The following SLC7A2 variants were observed in gnomAD, a reference collection of about 807,000 sequenced individuals.
SLC7A2 encodes cationic amino acid transporter 2.
In SLC7A2, 48 loss-of-function variants were observed where a neutral mutation model predicts 58.9. That is an observed-to-expected ratio of 0.82 (90% CI 0.65 to 1.04). SLC7A2 has a LOEUF of 1.04. Among genes scored for constraint, SLC7A2 ranks in the 50% least tolerant of loss-of-function variants. The pLI, the probability that SLC7A2 is intolerant of heterozygous loss-of-function variation, is 0.00. For synonymous variants in SLC7A2, 363 were observed against 314.5 expected, an observed-to-expected ratio of 1.15 and a Z score of -1.63; for missense variants, 1,029 against 818.8, an observed-to-expected ratio of 1.26 and a Z score of -3.13.
intron 2 of SLC7A2, among the ~76,000 whole-genome samples, chr8:17,508,708 T>G (rs567595387): frequency 6.6e-6 from 1 of 152,044 alleles, no homozygotes; most frequent in African/African-American, 2.4e-5. Context: ...AGCAAGACTC[T>G]GTCTCAAAAA....
upstream of SLC7A2, among the ~76,000 whole-genome samples, chr8:17,495,279 GACCAGATTACTC>G (rs1290320516): frequency 6.6e-6 from 1 of 152,058 alleles, no homozygotes; most frequent in Non-Finnish European, 1.5e-5. Context: ...AAAAATGTTA[GACCAGATTACTC>G]ACCCTTAAAA....
At chr8:17,525,239 T>C (rs1034627161) in intron 2 of SLC7A2, among the ~76,000 whole-genome samples, 1 of 152,052 alleles carries the variant, frequency 6.6e-6, no homozygotes, top group African/African-American at 2.4e-5. Context: ...TTGAAGAAAA[T>C]AGAGTATTTA....
chr8:17,516,385 G>C (rs1023909101), intron 2 of SLC7A2, among the ~76,000 whole-genome samples: 1 of 151,954 alleles, frequency 6.6e-6, no homozygotes, highest in African/African-American at 2.4e-5. Flanking sequence ...CACCACACCC[G>C]GCTAATTTTT....
chr8:17,554,421 G>T, intron 7 of SLC7A2, 139 bp from the exon 8 acceptor site: 1 of 641,848 alleles, frequency 1.6e-6, no homozygotes, highest in East Asian at 3.4e-5. Context: ...AAAAAATAAT[G>T]ACATAATTAT....
intron 2 of SLC7A2, chr8:17,539,013 T>C: frequency 1.7e-6 from 2 of 1,194,980 alleles, no homozygotes; most frequent in African/African-American, 1.5e-5. Flanking sequence ...GAAAGATTCA[T>C]TTCTAAGTGA....
chr8:17,563,708 A>G lies in SLC7A2; in HGVS notation c.1777A>G (p.Ile593Val). The change falls in exon 12 of 13, where the codon ATT becomes GTT. Residue 593 changes from isoleucine (I) to valine (V), a missense_variant. By Grantham distance (29) the Ile-to-Val change is conservative. Transcript: ENST00000494857. ...GGTCAGATTCAGCATTTGGATGGCA[A>G]TTGGTAGGTCTTTTAATGTCGGGTT... ...TWVRFSIWMA[I>V]GFLIYFSYGI... is the part of the protein sequence containing the mutation. The G allele has an allele frequency of 1.3e-6, 2 of 1,560,994 alleles. No homozygotes were observed. The highest frequency in any genetic ancestry group is 1.8e-6 in the Non-Finnish European group (2 of 1,132,170).
intron 5 of SLC7A2, among the ~76,000 whole-genome samples, chr8:17,549,939 C>T (rs762555998): frequency 6.6e-6 from 1 of 152,164 alleles, no homozygotes; most frequent in African/African-American, 2.4e-5. Flanking sequence ...ATGAATTCTC[C>T]TAAGAATAAG....
At chr8:17,539,115 G>T (rs927764804) in intron 2 of SLC7A2, among the ~76,000 whole-genome samples, 11 of 152,174 alleles carry the variant, frequency 7.2e-5, no homozygotes. Flanking sequence ...TCCTGGAATC[G>T]TTGAAAGGAA....
chr8:17,505,974 C>T (rs569363770), intron 2 of SLC7A2, among the ~76,000 whole-genome samples: 39 of 152,138 alleles, frequency 2.6e-4, no homozygotes, highest in Non-Finnish European at 4.7e-4. Flanking sequence ...AATATTGAGA[C>T]GAAGTGAGGA....
At chr8:17,531,151 G>C (rs909006297) in intron 2 of SLC7A2, among the ~76,000 whole-genome samples, 2 of 152,146 alleles carry the variant, frequency 1.3e-5, no homozygotes, top group African/African-American at 2.4e-5. Flanking sequence ...CTCTCTCTCT[G>C]TCTGCATCTT....
intron 2 of SLC7A2, among the ~76,000 whole-genome samples, chr8:17,515,022 A>G (rs1016432387): frequency 3.3e-5 from 5 of 152,234 alleles, no homozygotes; most frequent in Admixed American, 6.5e-5. Context: ...GGCAGTGCCT[A>G]CTATGCTGAA....
intron 2 of SLC7A2, among the ~76,000 whole-genome samples, chr8:17,535,458 C>T (rs1361489855): frequency 1.3e-5 from 2 of 152,150 alleles, no homozygotes; most frequent in African/African-American, 4.8e-5. Flanking sequence ...ATAGCTGTCT[C>T]ATATTGCAAT....
chr8:17,538,084 T>G (rs1158675194), intron 2 of SLC7A2, among the ~76,000 whole-genome samples: 1 of 152,218 alleles, frequency 6.6e-6, no homozygotes, highest in Non-Finnish European at 1.5e-5. Context: ...GCCCTTTATT[T>G]GTTGAATGTC....
At chr8:17,532,579 G>C (rs2150715436) in intron 2 of SLC7A2, among the ~76,000 whole-genome samples, 1 of 152,192 alleles carries the variant, frequency 6.6e-6, no homozygotes, top group African/African-American at 2.4e-5. Context: ...TTGTTGAACA[G>C]CTAATAAGTT....
intron 11 of SLC7A2, 107 bp from the exon 12 acceptor site, chr8:17,563,496 C>T (rs766911606): frequency 3.5e-5 from 24 of 688,342 alleles, no homozygotes; most frequent in South Asian, 1.6e-4. Context: ...CTGTGATTGA[C>T]GTGGTGTGAA....
chr8:17,496,057 A>G (rs2150626349), upstream of SLC7A2, among the ~76,000 whole-genome samples: 1 of 152,368 alleles, frequency 6.6e-6, no homozygotes, highest in Middle Eastern at 3.4e-3. Context: ...ACTTTGCCAA[A>G]GTTATTACTA....
chr8:17,521,737 G>A (rs1801023492), intron 2 of SLC7A2, among the ~76,000 whole-genome samples: 1 of 152,230 alleles, frequency 6.6e-6, no homozygotes, highest in African/African-American at 2.4e-5. Context: ...AAGAGCCGAA[G>A]CCTTGAAAAC....
chr8:17,553,267 T>A (rs1446183910), intron 7 of SLC7A2, among the ~76,000 whole-genome samples: 6 of 152,084 alleles, frequency 3.9e-5, no homozygotes, highest in African/African-American at 1.4e-4. Context: ...CCGAGGCTGG[T>A]CTTGAACTCC....
At chr8:17,544,417 A>C (rs1284924607) in intron 3 of SLC7A2, 34 bp from the exon 4 acceptor site, 1 of 1,597,922 alleles carries the variant, frequency 6.3e-7, no homozygotes, top group East Asian at 2.2e-5. Context: ...ATTTGCCCCC[A>C]GTGACTTCGT....
Sources: allele counts gnomAD v4.1 joint callset (sites outside exome capture counted in the v4.1 genomes callset), GRCh38; gene constraint gnomAD v4.1.1; transcripts MANE v1.5; gene names NCBI Gene and HGNC (gene_info 2026-07-23, HGNC 2026-07-21).